Variants in DNAAF11 observed in about 807,000 individuals in gnomAD.
The protein encoded by DNAAF11 is leucine rich repeat containing 6.
A neutral mutation model predicts 60.8 loss-of-function variants in DNAAF11; 45 were observed. The observed-to-expected ratio is 0.74, with a 90% CI of 0.58 to 0.95. DNAAF11 has a LOEUF of 0.95. Among genes scored for constraint, DNAAF11 ranks in the 40% least tolerant of loss-of-function variants. DNAAF11 has a pLI of 0.00. For synonymous variants in DNAAF11, 191 were observed against 183.5 expected (o/e 1.04, Z -0.33); for missense variants, 546 against 546.2 (o/e 1.00, Z 0.00).
chr8:132,679,145 C>G (rs1023055462), upstream of DNAAF11, among the ~76,000 whole-genome samples: 17 of 152,184 alleles, frequency 1.1e-4, no homozygotes, highest in African/African-American at 4.1e-4. Context: ...CATAGTGAAT[C>G]AGAATTTTGT....
chr8:132,675,009 C>A (rs531243915), intron 1 of DNAAF11, among the ~76,000 whole-genome samples: 1 of 152,338 alleles, frequency 6.6e-6, no homozygotes, highest in African/African-American at 2.4e-5. Context: ...CTCAAAGTCA[C>A]AGGAAGAGGG....
chr8:132,689,895 T>C, the DNAAF11 span, among the ~76,000 whole-genome samples: 1 of 152,164 alleles, frequency 6.6e-6, no homozygotes, highest in Admixed American at 6.5e-5. Flanking sequence ...TTTTTCCTTT[T>C]TGTAGAGATG....
intron 3 of DNAAF11, among the ~76,000 whole-genome samples, chr8:132,642,207 T>A (rs1821926557): frequency 6.6e-6 from 1 of 152,250 alleles, no homozygotes; most frequent in African/African-American, 2.4e-5. Flanking sequence ...ATTAACTACA[T>A]GGCTAATATT....
At chr8:132,588,281 A>G (rs1816111024) in intron 10 of DNAAF11, among the ~76,000 whole-genome samples, 1 of 152,250 alleles carries the variant, frequency 6.6e-6, no homozygotes, top group Non-Finnish European at 1.5e-5. Context: ...GTAATCAGGA[A>G]TACTTGTTAA....
chr8:132,616,948 G>C (rs1332085581), intron 7 of DNAAF11, among the ~76,000 whole-genome samples: 2 of 152,124 alleles, frequency 1.3e-5, no homozygotes, highest in African/African-American at 4.8e-5. Flanking sequence ...ATTCTGATTG[G>C]CTACTGTTGA....
At chr8:132,625,838 A>C (rs1215298057) in intron 5 of DNAAF11, among the ~76,000 whole-genome samples, 1 of 152,176 alleles carries the variant, frequency 6.6e-6, no homozygotes, top group East Asian at 1.9e-4. Context: ...GTAGATCTGA[A>C]GCCTGGGAAT....
chr8:132,599,020 C>A (rs1173634738), intron 10 of DNAAF11, among the ~76,000 whole-genome samples: 1 of 152,060 alleles, frequency 6.6e-6, no homozygotes, highest in Non-Finnish European at 1.5e-5. Flanking sequence ...CATTGATAGA[C>A]CGCTAGCAAC....
At chr8:132,697,881 T>C in the DNAAF11 span, among the ~76,000 whole-genome samples, 1 of 152,092 alleles carries the variant, frequency 6.6e-6, no homozygotes, top group African/African-American at 2.4e-5. Flanking sequence ...ATCCAGTAGG[T>C]GCAATGAGAA....
the DNAAF11 span, among the ~76,000 whole-genome samples, chr8:132,696,659 A>C: frequency 1.3e-5 from 2 of 152,300 alleles, no homozygotes; most frequent in African/African-American, 2.4e-5. Flanking sequence ...CAGTGACAAG[A>C]TTGGGTAAAG....
At chr8:132,674,136 A>AGGAGGAGGAGGAGGAGGAGG (rs1825494296) in intron 1 of DNAAF11, among the ~76,000 whole-genome samples, 1 of 36,120 alleles carries the variant, frequency 2.8e-5, no homozygotes, top group African/African-American at 1.3e-4. Flanking sequence ...GGAGGAGGAG[A>AGGAGGAGGAGGAGGAGGAGG]AGGAGGAGGA....
chr8:132,701,018 TG>T, the DNAAF11 span, among the ~76,000 whole-genome samples: 2 of 152,276 alleles, frequency 1.3e-5, no homozygotes, highest in East Asian at 3.9e-4. Context: ...TTTCTTGCTG[TG>T]GTATCCATGG....
intron 11 of DNAAF11, among the ~76,000 whole-genome samples, chr8:132,576,827 C>T (rs548823258): frequency 2.0e-4 from 30 of 152,076 alleles, no homozygotes; most frequent in Non-Finnish European, 4.0e-4. Context: ...GTGCTCACAC[C>T]CATCACTGAG....
intron 4 of DNAAF11, among the ~76,000 whole-genome samples, chr8:132,634,752 C>A (rs1821127289): frequency 1.3e-5 from 2 of 148,450 alleles, no homozygotes; most frequent in South Asian, 2.1e-4. Context: ...CAGTTTGTGG[C>A]ACTTTGTTAT....
the DNAAF11 span, among the ~76,000 whole-genome samples, chr8:132,681,953 A>G: frequency 0.58 from 88,375 of 151,578 alleles, 28,193 homozygotes; most frequent in African/African-American, 0.86. Flanking sequence ...GGGTAACACT[A>G]AAGTGTTTAG....
intron 7 of DNAAF11, among the ~76,000 whole-genome samples, chr8:132,620,491 T>C (rs112971811): frequency 0.092 from 13,921 of 152,062 alleles, 1,793 homozygotes; most frequent in African/African-American, 0.29. Flanking sequence ...TGTGCCACCA[T>C]TCCTGGCTAA....
intron 10 of DNAAF11, among the ~76,000 whole-genome samples, chr8:132,601,102 A>C (rs979611198): frequency 2.6e-5 from 4 of 152,218 alleles, no homozygotes; most frequent in African/African-American, 9.6e-5. Flanking sequence ...CTCCATCAAA[A>C]AGTGGGCAAA....
chr8:132,620,988 C>G (rs1220555299), intron 7 of DNAAF11, among the ~76,000 whole-genome samples: 2 of 152,102 alleles, frequency 1.3e-5, no homozygotes, highest in African/African-American at 4.8e-5. Flanking sequence ...CTGATAATAG[C>G]AGGAGAGGCA....
intron 1 of DNAAF11, among the ~76,000 whole-genome samples, chr8:132,674,097 CAGGAGGAGGAGGAGCAGGAGGAGGAGG>C (rs1563725677): frequency 2.7e-5 from 1 of 37,256 alleles, no homozygotes; most frequent in Non-Finnish European, 5.8e-5. Flanking sequence ...GGAGGAGGAG[CAGGAGGAGGAGGAGCAGGAGGAGGAGG>C]AGGAGGAGGA....
chr8:132,644,106 T>C (rs1586673082), intron 3 of DNAAF11, among the ~76,000 whole-genome samples: 2 of 152,292 alleles, frequency 1.3e-5, no homozygotes, highest in East Asian at 3.9e-4. Context: ...TAAATACATA[T>C]ATCAGCAAGC....
Sources: gnomAD v4.1 joint callset for allele counts (sites outside exome capture counted in the v4.1 genomes callset) on GRCh38, gnomAD v4.1.1 for gene constraint, MANE v1.5 for transcripts, NCBI Gene and HGNC (gene_info 2026-07-23, HGNC 2026-07-21) for gene names.